Variants in ITPR2 observed in about 807,000 individuals in gnomAD.
ITPR2 encodes the protein inositol 1,4,5-trisphosphate receptor type 2, also known as inositol 1,4,5-trisphosphate-gated calcium channel ITPR2.
A neutral mutation model predicts 317.1 loss-of-function variants in ITPR2; 207 were observed. The observed-to-expected ratio is 0.65, with a 90% CI of 0.58 to 0.73. The LOEUF is 0.73. Among genes scored for constraint, ITPR2 ranks in the 30% least tolerant of loss-of-function variants. The probability of loss-of-function intolerance (pLI) is 0.00; values close to 1 mark genes in which losing one functional copy is unlikely to be tolerated. For synonymous variants in ITPR2, 1,156 were observed against 1,149.1 expected, an observed-to-expected ratio of 1.01 and a Z score of -0.12; for missense variants, 2,613 against 3,284.0, an observed-to-expected ratio of 0.80 and a Z score of 4.99.
At chr12:26,821,308 A>T (rs1441005397) in intron 1 of ITPR2, among the ~76,000 whole-genome samples, 1 of 152,202 alleles carries the variant, frequency 6.6e-6, no homozygotes, top group African/African-American at 2.4e-5. Context: ...TTTCCCCGGT[A>T]GCCAGATCTG....
intron 2 of ITPR2, among the ~76,000 whole-genome samples, chr12:26,734,863 T>A (rs1949089811): frequency 6.6e-6 from 1 of 152,182 alleles, no homozygotes; most frequent in South Asian, 2.1e-4. Flanking sequence ...TATTACATAT[T>A]TATACTCCAA....
chr12:26,404,760 A>T (rs1228657163), intron 52 of ITPR2, among the ~76,000 whole-genome samples: 1 of 152,190 alleles, frequency 6.6e-6, no homozygotes, highest in Non-Finnish European at 1.5e-5. Context: ...GATGATGACA[A>T]GGAAAAGATT....
At chr12:26,822,189 C>T (rs992513035) in intron 1 of ITPR2, among the ~76,000 whole-genome samples, 3 of 152,168 alleles carry the variant, frequency 2.0e-5, no homozygotes, top group African/African-American at 7.2e-5. Context: ...AAAAGTCCAG[C>T]ATTTTGTAAT....
intron 55 of ITPR2, among the ~76,000 whole-genome samples, chr12:26,356,483 GCT>G (rs1389667528): frequency 2.6e-5 from 4 of 152,136 alleles, no homozygotes; most frequent in Admixed American, 6.5e-5. Flanking sequence ...TCAAATAATG[GCT>G]CTGTCTGATC....
At chr12:26,490,997 C>T (rs182579298) in intron 39 of ITPR2, among the ~76,000 whole-genome samples, 67 of 152,176 alleles carry the variant, frequency 4.4e-4, no homozygotes, top group African/African-American at 1.3e-3. Context: ...AATAACACAA[C>T]GCATTTGAGG....
chr12:26,495,438 C>A (rs1942910734), intron 37 of ITPR2, 178 bp from the exon 38 acceptor site: 1 of 530,570 alleles, frequency 1.9e-6, no homozygotes, highest in Non-Finnish European at 3.3e-6. Flanking sequence ...ATAAAATAAT[C>A]ATTTTGCTTC....
intron 21 of ITPR2, 132 bp downstream of exon 21, chr12:26,653,844 G>A: frequency 1.5e-6 from 1 of 655,588 alleles, no homozygotes; most frequent in South Asian, 1.9e-5. Context: ...ACTCAGCCCT[G>A]TCATAGGAAT....
At chr12:26,553,663 T>C (rs1944586155) in intron 36 of ITPR2, among the ~76,000 whole-genome samples, 1 of 152,022 alleles carries the variant, frequency 6.6e-6, no homozygotes, top group Non-Finnish European at 1.5e-5. Context: ...CGGTTGCCTC[T>C]AGTCCCAGCT....
chr12:26,382,311 A>T (rs1939532605), intron 55 of ITPR2, among the ~76,000 whole-genome samples: 1 of 152,188 alleles, frequency 6.6e-6, no homozygotes, highest in Non-Finnish European at 1.5e-5. Flanking sequence ...AATATCCCAG[A>T]AGATGCTCCA....
rs1236476731 is a variant in ITPR2 at position 26,339,305 on chromosome 12, T to C, written c.*92A>G. 5.6e-6 allele frequency: 6 copies of C among 1,074,324 alleles called. No homozygotes were observed. The South Asian group carries it at 6.8e-5, about 12-fold the overall frequency. The allele number at this position is 1,074,324 out of a possible 1,614,324, so 66.5% of individuals were successfully genotyped here. On this transcript the variant is annotated 3_prime_UTR_variant, in exon 57 of 57. Transcript: ENST00000381340. ...TTGGTTGTTTTTAACTTTTCAACAA[T>C]AGGCACTGTTCACTCCCCTCCATCT...
At chr12:26,506,973 T>C (rs1943205032) in intron 37 of ITPR2, among the ~76,000 whole-genome samples, 1 of 152,234 alleles carries the variant, frequency 6.6e-6, no homozygotes, top group Non-Finnish European at 1.5e-5. Context: ...TTCTTTTACC[T>C]CATTTTTCCT....
At chr12:26,749,509 A>C (rs1475493186) in intron 2 of ITPR2, among the ~76,000 whole-genome samples, 4 of 152,220 alleles carry the variant, frequency 2.6e-5, no homozygotes, top group African/African-American at 4.8e-5. Flanking sequence ...TAAGAGAGGA[A>C]ATAAATAACA....
chr12:26,828,324 T>C (rs1307184589), intron 1 of ITPR2, among the ~76,000 whole-genome samples: 1 of 152,158 alleles, frequency 6.6e-6, no homozygotes, highest in Non-Finnish European at 1.5e-5. Flanking sequence ...ACTTGCAAAA[T>C]AAAATATCTA....
chr12:26,716,616 T>C (rs1037444723), intron 5 of ITPR2, among the ~76,000 whole-genome samples: 13 of 152,100 alleles, frequency 8.5e-5, no homozygotes, highest in African/African-American at 3.1e-4. Context: ...AAAAGTAATC[T>C]ATCCAAATAT....
intron 1 of ITPR2, among the ~76,000 whole-genome samples, chr12:26,816,780 A>C (rs1950862521): frequency 6.6e-6 from 1 of 152,184 alleles, no homozygotes; most frequent in South Asian, 2.1e-4. Flanking sequence ...TTCACTATAG[A>C]TGAGTCAGAA....
chr12:26,481,976 A>G (rs749064479), intron 42 of ITPR2, among the ~76,000 whole-genome samples: 10 of 152,346 alleles, frequency 6.6e-5, no homozygotes, highest in Non-Finnish European at 1.2e-4. Flanking sequence ...GTCTTAAATC[A>G]GGAACTTGCG....
chr12:26,629,614 G>GTTTA (rs143942867), intron 22 of ITPR2, among the ~76,000 whole-genome samples: 3,784 of 150,652 alleles, frequency 0.025, 164 homozygotes, highest in African/African-American at 0.087. Flanking sequence ...CCAAGTTCCA[G>GTTTA]TTTAAATTCT....
intron 54 of ITPR2, among the ~76,000 whole-genome samples, chr12:26,390,457 T>A (rs1305335596): frequency 6.6e-6 from 1 of 152,190 alleles, no homozygotes; most frequent in African/African-American, 2.4e-5. Flanking sequence ...TGCTACAACA[T>A]GAACCTTTAA....
At chr12:26,669,881 G>A (rs1322283871) in intron 13 of ITPR2, among the ~76,000 whole-genome samples, 6 of 152,238 alleles carry the variant, frequency 3.9e-5, no homozygotes, top group South Asian at 2.1e-4. Flanking sequence ...AAAAAACGGC[G>A]CACCAGGAGA....
Sources: gnomAD v4.1 joint callset for allele counts (sites outside exome capture counted in the v4.1 genomes callset) on GRCh38, gnomAD v4.1.1 for gene constraint, MANE v1.5 for transcripts, NCBI Gene and HGNC (gene_info 2026-07-23, HGNC 2026-07-21) for gene names.